The following BCAS1 variants were observed in gnomAD, a reference collection of about 807,000 sequenced individuals.
The protein encoded by BCAS1 is breast carcinoma-amplified sequence 1.
BCAS1 carries 46 observed loss-of-function variants against 65.4 expected under a neutral mutation model. The ratio of observed to expected loss-of-function variants is 0.70; its 90% CI spans 0.55 to 0.90. The LOEUF is 0.90. Among genes scored for constraint, BCAS1 ranks in the 40% least tolerant of loss-of-function variants. BCAS1 has a pLI of 0.00. For synonymous variants in BCAS1, 298 were observed against 293.5 expected (o/e 1.02, Z -0.16); for missense variants, 793 against 771.2 (o/e 1.03, Z -0.33).
At chr20:54,067,698 C>G (rs1390578069) in intron 1 of BCAS1, among the ~76,000 whole-genome samples, 2 of 152,184 alleles carry the variant, frequency 1.3e-5, no homozygotes, top group East Asian at 3.8e-4. Flanking sequence ...CCCATGCAAG[C>G]TGGCCTGGAG....
intron 11 of BCAS1, 92 bp from the exon 12 acceptor site, chr20:53,953,787 A>G: frequency 1.4e-6 from 2 of 1,412,020 alleles, no homozygotes; most frequent in Non-Finnish European, 1.9e-6. Context: ...AGATGTTCAA[A>G]TGTTGGGTGG....
intron 12 of BCAS1, among the ~76,000 whole-genome samples, chr20:53,946,267 C>T (rs527815612): frequency 8.2e-4 from 125 of 151,756 alleles, no homozygotes; most frequent in African/African-American, 2.6e-3. Context: ...TGTGGTCAAC[C>T]GCTCCCCACC....
At chr20:53,983,144 G>A (rs931019174) in intron 8 of BCAS1, among the ~76,000 whole-genome samples, 3 of 152,186 alleles carry the variant, frequency 2.0e-5, no homozygotes, top group African/African-American at 7.2e-5. Context: ...AAGAACCACT[G>A]TATCTCTTGT....
chr20:54,049,236 C>A (rs1388887560), intron 3 of BCAS1, among the ~76,000 whole-genome samples: 1 of 152,080 alleles, frequency 6.6e-6, no homozygotes, highest in Non-Finnish European at 1.5e-5. Flanking sequence ...CAAAATTAGT[C>A]TATTCTTTTT....
intron 4 of BCAS1, among the ~76,000 whole-genome samples, chr20:53,997,849 G>A (rs773159273): frequency 2.6e-5 from 4 of 151,994 alleles, no homozygotes; most frequent in East Asian, 1.9e-4. Context: ...TGAGGGAGGC[G>A]GACTCGACTC....
At chr20:54,049,303 A>G (rs2092168140) in intron 3 of BCAS1, among the ~76,000 whole-genome samples, 1 of 152,226 alleles carries the variant, frequency 6.6e-6, no homozygotes, top group African/African-American at 2.4e-5. Flanking sequence ...CCTTTTATCC[A>G]GGTCAAACAT....
chr20:54,007,032 T>C (rs1015004696), intron 4 of BCAS1, among the ~76,000 whole-genome samples: 1 of 152,100 alleles, frequency 6.6e-6, no homozygotes, highest in African/African-American at 2.4e-5. Context: ...ACTTAGACAG[T>C]AGGCAAGGTT....
chr20:54,052,615 T>C (rs1183259117), intron 3 of BCAS1, among the ~76,000 whole-genome samples: 1 of 152,146 alleles, frequency 6.6e-6, no homozygotes, highest in Non-Finnish European at 1.5e-5. Context: ...TAAACGGACT[T>C]GAGGGAACTA....
In BCAS1 at chr20:53,955,688, A is replaced by C. The variant is rs1568806969; in HGVS notation, c.1551+1744T>G. Among the ~76,000 whole-genome samples, 2 of 152,334 alleles carry C rather than the reference A, an allele frequency of 1.3e-5. 1 individual carries two copies. The highest frequency in any genetic ancestry group is 4.1e-4 in the South Asian group (2 of 4,828). On this transcript the variant is annotated intron_variant, in intron 11 of 12. Transcript: ENST00000688948. Reference sequence around the variant, plus strand: ...CACCTTATGGTGCTGTGAGAATTAAATTAGCTAAAAATGGAAAGGACACAC... The same window carrying C: ...CACCTTATGGTGCTGTGAGAATTAACTTAGCTAAAAATGGAAAGGACACAC...
At chr20:54,061,043 A>G (rs764638501) in intron 1 of BCAS1, among the ~76,000 whole-genome samples, 6 of 152,218 alleles carry the variant, frequency 3.9e-5, no homozygotes, top group Non-Finnish European at 8.8e-5. Context: ...ATTACTTAGC[A>G]TGTTCTCAAT....
intron 3 of BCAS1, among the ~76,000 whole-genome samples, chr20:54,052,951 G>T (rs879115576): frequency 1.3e-5 from 2 of 152,138 alleles, no homozygotes; most frequent in Admixed American, 6.5e-5. Context: ...AGATATTTTT[G>T]GGTTCAAATA....
chr20:54,062,197 T>G (rs573096607), intron 1 of BCAS1, among the ~76,000 whole-genome samples: 1 of 152,302 alleles, frequency 6.6e-6, no homozygotes, highest in East Asian at 1.9e-4. Flanking sequence ...TTTACCAGGA[T>G]TTGAGCCTAC....
intron 10 of BCAS1, among the ~76,000 whole-genome samples, chr20:53,958,901 T>C (rs2089785083): frequency 6.6e-6 from 1 of 152,176 alleles, no homozygotes; most frequent in Non-Finnish European, 1.5e-5. Flanking sequence ...CTCCCCATAC[T>C]GCCCCTAGAA....
chr20:53,970,932 C>A (rs1318885624), intron 9 of BCAS1, among the ~76,000 whole-genome samples: 1 of 146,814 alleles, frequency 6.8e-6, no homozygotes, highest in Non-Finnish European at 1.5e-5. Flanking sequence ...TTTTTTTTTT[C>A]TACTCAGTAA....
intron 9 of BCAS1, among the ~76,000 whole-genome samples, chr20:53,968,217 G>T (rs778118915): frequency 2.0e-5 from 3 of 152,164 alleles, no homozygotes; most frequent in Non-Finnish European, 4.4e-5. Context: ...GTATGGGATG[G>T]AGACCACAAA....
intron 1 of BCAS1, among the ~76,000 whole-genome samples, chr20:54,068,867 G>A (rs887764074): frequency 1.3e-5 from 2 of 152,028 alleles, no homozygotes; most frequent in African/African-American, 4.8e-5. Context: ...AAGGTGCAAA[G>A]GTACCCCCGC....
chr20:54,051,234 T>G (rs1019585537), intron 3 of BCAS1, among the ~76,000 whole-genome samples: 1 of 152,204 alleles, frequency 6.6e-6, no homozygotes, highest in Admixed American at 6.5e-5. Context: ...CCTTTCTAAC[T>G]GCCTGATCTC....
Position 53,948,508 on chromosome 20 carries a change from GCACC to G in BCAS1, c.1816-3516_1816-3513del, listed in dbSNP as rs2089406544. On this transcript the variant is annotated intron_variant, in intron 12 of 12. Transcript: ENST00000688948. ...AACATGTGGCTGGTGCTGAGGAGGG[GCACC>G]CCCTTTAGGTGGGCACCTGCCCTTC... Among the ~76,000 whole-genome samples, 3 of 152,200 alleles carry G rather than the reference GCACC, an allele frequency of 2.0e-5. No individual in the cohort carries two copies. In the South Asian group the frequency reaches 6.2e-4, roughly 32 times the overall value.
intron 4 of BCAS1, among the ~76,000 whole-genome samples, chr20:54,001,136 C>T (rs1299500657): frequency 6.6e-6 from 1 of 152,042 alleles, no homozygotes; most frequent in Admixed American, 6.5e-5. Context: ...CAGTTTGATC[C>T]TTTTAGTTCT....
Sources: allele counts gnomAD v4.1 joint callset (sites outside exome capture counted in the v4.1 genomes callset), GRCh38; gene constraint gnomAD v4.1.1; transcripts MANE v1.5; gene names NCBI Gene and HGNC (gene_info 2026-07-23, HGNC 2026-07-21).